MRPS27: variants seen among roughly 807,000 people sequenced by gnomAD.
MRPS27 encodes the protein mitochondrial ribosomal protein S27, also known as small ribosomal subunit protein mS27.
MRPS27 carries 43 observed loss-of-function variants against 48.9 expected under a neutral mutation model. The ratio of observed to expected loss-of-function variants is 0.88; its 90% CI spans 0.69 to 1.13. MRPS27 has a LOEUF of 1.13. Among genes scored for constraint, MRPS27 ranks in the 50% most tolerant of loss-of-function variants. MRPS27 has a pLI of 0.00. For missense variants in MRPS27, 467 were observed against 476.3 expected, an observed-to-expected ratio of 0.98 and a Z score of 0.18; for synonymous variants, 188 against 171.9, an observed-to-expected ratio of 1.09 and a Z score of -0.73.
chr5:72,286,958 G>C (rs966016559), intron 4 of MRPS27, among the ~76,000 whole-genome samples: 7 of 152,176 alleles, frequency 4.6e-5, no homozygotes, highest in Non-Finnish European at 1.0e-4. Flanking sequence ...TAGATATGGG[G>C]TCTCCAACCC....
intron 4 of MRPS27, among the ~76,000 whole-genome samples, chr5:72,280,514 G>A (rs1473860332): frequency 1.3e-5 from 2 of 152,150 alleles, no homozygotes; most frequent in Non-Finnish European, 2.9e-5. Flanking sequence ...CTGCACAGCA[G>A]CCCAGTTTTC....
chr5:72,308,059 G>A (rs1007352454), intron 2 of MRPS27: 3 of 152,306 alleles, frequency 2.0e-5, no homozygotes, highest in Admixed American at 2.0e-4. Flanking sequence ...CGCGGAACGG[G>A]GCGGCGTTCT....
At chr5:72,270,636 G>A (rs1269268117) in intron 4 of MRPS27, among the ~76,000 whole-genome samples, 2 of 152,060 alleles carry the variant, frequency 1.3e-5, no homozygotes. Context: ...ATAAAGAAGG[G>A]AACATTTCCC....
intron 4 of MRPS27, among the ~76,000 whole-genome samples, chr5:72,255,029 CTTTTTTTTTTT>C (rs70999273): frequency 6.4e-4 from 46 of 72,100 alleles, no homozygotes; most frequent in African/African-American, 1.9e-3. Context: ...CATTTCTTTT[CTTTTTTTTTTT>C]TTTTTTTTTT....
intron 4 of MRPS27, among the ~76,000 whole-genome samples, chr5:72,277,186 A>C (rs1053243606): frequency 7.2e-5 from 11 of 152,176 alleles, no homozygotes; most frequent in Non-Finnish European, 1.5e-4. Flanking sequence ...ACCAGTAAAA[A>C]CAGCAATTAT....
rs752957419 is a variant in MRPS27, at chr5:72,226,071, G to A, written c.823C>T (p.Leu275=). ...KVAASPEDIK[L]CREALDVLGA... ...GAAGAACATACCGCTTCTCTACACA[G>A]CTTTATGTCTTCTGGGGAGGCAGCC... The change falls in exon 9 of 11, where the codon CTG becomes TTG. Residue 275 remains leucine, a synonymous_variant. Coordinates refer to ENST00000261413, the MANE Select transcript of MRPS27 (RefSeq NM_015084.3). 7.9e-5 allele frequency: 127 copies of A among 1,613,548 alleles called. No individual in the cohort carries two copies. Among genetic ancestry groups the A allele is most frequent in the Non-Finnish European group, 1.1e-4 (125 of 1,179,742 alleles).
chr5:72,317,135 G>A (rs1428416600), intron 1 of MRPS27, among the ~76,000 whole-genome samples: 1 of 151,550 alleles, frequency 6.6e-6, no homozygotes, highest in Non-Finnish European at 1.5e-5. Context: ...ATTAAACACA[G>A]TATTGGAATG....
At chr5:72,223,031 C>T (rs190356473) in intron 10 of MRPS27, among the ~76,000 whole-genome samples, 18 of 152,298 alleles carry the variant, frequency 1.2e-4, no homozygotes, top group African/African-American at 4.3e-4. Flanking sequence ...TTGCACTAGA[C>T]AAGAATCAAA....
intron 2 of MRPS27, among the ~76,000 whole-genome samples, chr5:72,308,251 C>T (rs902930197): frequency 6.6e-6 from 1 of 152,228 alleles, no homozygotes; most frequent in African/African-American, 2.4e-5. Flanking sequence ...AAGCCCACTC[C>T]GAGAGGCCAG....
At chr5:72,231,409 CT>C (rs1748061866) in intron 7 of MRPS27, among the ~76,000 whole-genome samples, 1 of 152,082 alleles carries the variant, frequency 6.6e-6, no homozygotes. Flanking sequence ...AGAAAACTCC[CT>C]ATAATATAGT....
chr5:72,284,680 T>G (rs973470063), intron 4 of MRPS27, among the ~76,000 whole-genome samples: 1 of 152,236 alleles, frequency 6.6e-6, no homozygotes, highest in Non-Finnish European at 1.5e-5. Context: ...AGATATTTTA[T>G]GTACACACAT....
chr5:72,241,462 G>GT (rs1406944469), intron 4 of MRPS27: 18 of 573,128 alleles, frequency 3.1e-5, no homozygotes, highest in Non-Finnish European at 3.1e-6. Flanking sequence ...ATAAACTTAC[G>GT]TGAGTGGCTA....
intron 4 of MRPS27, among the ~76,000 whole-genome samples, chr5:72,245,512 G>A (rs1438670070): frequency 6.6e-6 from 1 of 151,910 alleles, no homozygotes; most frequent in Non-Finnish European, 1.5e-5. Context: ...CAATGATTAA[G>A]ATAGGAAAAT....
At chr5:72,287,608 C>T (rs1749707121) in intron 4 of MRPS27, among the ~76,000 whole-genome samples, 1 of 152,158 alleles carries the variant, frequency 6.6e-6, no homozygotes. Flanking sequence ...TACCGCACTC[C>T]AGCCTGCATG....
intron 2 of MRPS27, among the ~76,000 whole-genome samples, chr5:72,298,291 C>T (rs1282215434): frequency 1.3e-4 from 20 of 152,180 alleles, no homozygotes; most frequent in Admixed American, 1.3e-3. Flanking sequence ...CTCAACATCA[C>T]TAACCATCAG....
rs1169598895 is a variant in MRPS27 at position 72,249,400 on chromosome 5, T to G, written c.282-11272A>C. Among the ~76,000 whole-genome samples the G allele has an allele frequency of 2.0e-5, 3 of 152,216 alleles. No homozygotes were observed. The East Asian group carries it at 5.8e-4, about 29-fold the overall frequency. The stretch of plus-strand genomic sequence containing the variant: ...TTGGGATGATCAAAAACAAGTATTT[T>G]CAGCCCCGCGTGGTGGCTCACGCCT... On this transcript the variant is annotated intron_variant, in intron 4 of 10. Coordinates refer to ENST00000261413, the MANE Select transcript of MRPS27 (RefSeq NM_015084.3).
chr5:72,290,521 TTC>T (rs1749789330), intron 4 of MRPS27, among the ~76,000 whole-genome samples: 1 of 152,306 alleles, frequency 6.6e-6, no homozygotes, highest in Admixed American at 6.5e-5. Flanking sequence ...TCCTTGTGGT[TTC>T]TCTCTCAGGA....
At chr5:72,280,981 A>G (rs1301612311) in intron 4 of MRPS27, among the ~76,000 whole-genome samples, 1 of 152,194 alleles carries the variant, frequency 6.6e-6, no homozygotes, top group Non-Finnish European at 1.5e-5. Context: ...AAAATGTGAT[A>G]TCCTTTCTAA....
rs1747696255 is a variant in MRPS27, at chr5:72,220,034, C to G, written c.*875G>C. On this transcript the variant is annotated 3_prime_UTR_variant, in exon 11 of 11. Coordinates refer to ENST00000261413, the MANE Select transcript of MRPS27 (RefSeq NM_015084.3). ...TTCATGGCCTTGAGTTCACTCCTGT[C>G]CTGAATTTCTCCCAGTGCAGGTCCA... is the stretch of plus-strand genomic sequence containing the variant. 6.6e-6 allele frequency: 1 copy of G among 152,664 alleles called. No homozygotes were observed. The highest frequency in any genetic ancestry group is 1.5e-5 in the Non-Finnish European group (1 of 68,068). The allele number at this position is 152,664 out of a possible 1,614,324, so 9.5% of individuals were successfully genotyped here. A position where few individuals can be genotyped will look rare whatever the true frequency, so the allele number is the denominator to read the frequency against.
Sources: gnomAD v4.1 joint callset for allele counts (sites outside exome capture counted in the v4.1 genomes callset) on GRCh38, gnomAD v4.1.1 for gene constraint, MANE v1.5 for transcripts, NCBI Gene and HGNC (gene_info 2026-07-23, HGNC 2026-07-21) for gene names.